Variants in DLEU7 observed in about 807,000 individuals in gnomAD.
DLEU7 encodes leukemia-associated protein 7.
DLEU7 carries 17 observed loss-of-function variants against 16.0 expected under a neutral mutation model. That is an observed-to-expected ratio of 1.06 (90% CI 0.73 to 1.59). The LOEUF (loss-of-function observed/expected upper bound fraction) is 1.59. Ranked by LOEUF, DLEU7 falls within the 40% of genes most tolerant of loss-of-function variation. The pLI, the probability that DLEU7 is intolerant of heterozygous loss-of-function variation, is 0.00. For missense variants in DLEU7, 308 were observed against 314.9 expected, an observed-to-expected ratio of 0.98 and a Z score of 0.17; for synonymous variants, 113 against 139.8, an observed-to-expected ratio of 0.81 and a Z score of 1.35.
intron 1 of DLEU7, among the ~76,000 whole-genome samples, chr13:50,727,601 A>C (rs1053570056): frequency 6.6e-6 from 1 of 152,094 alleles, no homozygotes; most frequent in African/African-American, 2.4e-5. Flanking sequence ...GAGAAGCTAC[A>C]TCCCCCTAAG....
intron 1 of DLEU7, among the ~76,000 whole-genome samples, chr13:50,837,848 GA>G (rs1221594750): frequency 6.6e-6 from 1 of 152,168 alleles, no homozygotes; most frequent in Non-Finnish European, 1.5e-5. Flanking sequence ...AACAAATATA[GA>G]TACTTCTGGA....
chr13:50,808,211 A>G (rs1432977223), intron 1 of DLEU7, among the ~76,000 whole-genome samples: 1 of 152,204 alleles, frequency 6.6e-6, no homozygotes, highest in East Asian at 1.9e-4. Context: ...AGCAGCTTCC[A>G]TTCTTCTAAC....
intron 1 of DLEU7, among the ~76,000 whole-genome samples, chr13:50,752,052 C>CTTTTTTTTTTTTTTT (rs200928092): frequency 7.4e-5 from 10 of 135,752 alleles, no homozygotes; most frequent in East Asian, 2.3e-4. Context: ...CTCTTTCAGT[C>CTTTTTTTTTTTTTTT]TTTTTTTTTT....
chr13:50,733,645 C>G (rs1376085993), intron 1 of DLEU7, among the ~76,000 whole-genome samples: 1 of 152,116 alleles, frequency 6.6e-6, no homozygotes, highest in East Asian at 1.9e-4. Flanking sequence ...TCTCATATCT[C>G]TCAATCTTTA....
At chr13:50,744,947 G>A (rs1853561) in intron 1 of DLEU7, among the ~76,000 whole-genome samples, 37,488 of 152,048 alleles carry the variant, frequency 0.25, 5,402 homozygotes, top group Non-Finnish European at 0.32. Flanking sequence ...GAGAAGTTGG[G>A]ACCCTTGTCC....
intron 1 of DLEU7, among the ~76,000 whole-genome samples, chr13:50,827,147 A>C (rs1877112292): frequency 6.6e-6 from 1 of 152,214 alleles, no homozygotes; most frequent in Admixed American, 6.5e-5. Context: ...GGAGTTTAGG[A>C]CATCTAAATG....
At chr13:50,763,689 T>C (rs1206013625) in intron 1 of DLEU7, among the ~76,000 whole-genome samples, 10 of 152,200 alleles carry the variant, frequency 6.6e-5, no homozygotes. Flanking sequence ...CCTTTTGACA[T>C]GTCTTTTACC....
At chr13:50,771,901 G>A (rs1176812712) in intron 1 of DLEU7, among the ~76,000 whole-genome samples, 1 of 152,160 alleles carries the variant, frequency 6.6e-6, no homozygotes, top group African/African-American at 2.4e-5. Context: ...GGGAGTCTAA[G>A]TCTCTTTGTA....
intron 1 of DLEU7, among the ~76,000 whole-genome samples, chr13:50,734,047 A>G (rs1172959271): frequency 6.6e-6 from 1 of 152,186 alleles, no homozygotes; most frequent in Non-Finnish European, 1.5e-5. Context: ...GAGGACATCA[A>G]ACTTGATGTA....
chr13:50,713,055 G>T, exon 2 of DLEU7: 1 of 710,274 alleles, frequency 1.4e-6, no homozygotes, highest in Non-Finnish European at 2.4e-6. Flanking sequence ...GATCCACAGA[G>T]ACCATGCAAT....
intron 1 of DLEU7, among the ~76,000 whole-genome samples, chr13:50,798,484 C>A (rs763945630): frequency 6.6e-6 from 1 of 152,120 alleles, no homozygotes; most frequent in South Asian, 2.1e-4. Context: ...GAGTCCAATG[C>A]CTTCAGTCCT....
At chr13:50,741,903 A>C (rs1218178754) in intron 1 of DLEU7, among the ~76,000 whole-genome samples, 1 of 152,186 alleles carries the variant, frequency 6.6e-6, no homozygotes, top group African/African-American at 2.4e-5. Flanking sequence ...AGTACGTGCA[A>C]ATTGTCAAAC....
chr13:50,744,956 C>T (rs925878152), intron 1 of DLEU7, among the ~76,000 whole-genome samples: 3 of 152,074 alleles, frequency 2.0e-5, no homozygotes, highest in Non-Finnish European at 4.4e-5. Flanking sequence ...GGACCCTTGT[C>T]CACTGATGAT....
At chr13:50,792,618 G>A (rs956388229) in intron 1 of DLEU7, among the ~76,000 whole-genome samples, 1 of 143,404 alleles carries the variant, frequency 7.0e-6, no homozygotes, top group Non-Finnish European at 1.6e-5. Context: ...TCCGGGAACT[G>A]AACTTAATCA....
At chr13:50,736,199 A>AAGAG (rs1316486201) in intron 1 of DLEU7, among the ~76,000 whole-genome samples, 2 of 152,146 alleles carry the variant, frequency 1.3e-5, no homozygotes, top group Non-Finnish European at 2.9e-5. Flanking sequence ...GAAAGAAAGA[A>AAGAG]TGTCCTTTTC....
intron 1 of DLEU7, among the ~76,000 whole-genome samples, chr13:50,789,927 TTCTTTC>T (rs1445144707): frequency 6.9e-6 from 1 of 144,562 alleles, no homozygotes; most frequent in African/African-American, 2.6e-5. Flanking sequence ...TTCTCTTTCT[TTCTTTC>T]TTTCTTTCTT....
At chr13:50,765,842 G>T (rs2137750146) in intron 1 of DLEU7, among the ~76,000 whole-genome samples, 1 of 152,322 alleles carries the variant, frequency 6.6e-6, no homozygotes. Flanking sequence ...AGGTTGAGAA[G>T]ACAGCAAGTG....
chr13:50,718,163 T>TA (rs963521622), intron 1 of DLEU7, among the ~76,000 whole-genome samples: 37 of 152,058 alleles, frequency 2.4e-4, no homozygotes, highest in African/African-American at 5.8e-4. Flanking sequence ...TGCTCCAGGT[T>TA]AAAAAAAATG....
chr13:50,731,526 T>G (rs1237298216), intron 1 of DLEU7, among the ~76,000 whole-genome samples: 1 of 152,210 alleles, frequency 6.6e-6, no homozygotes, highest in Non-Finnish European at 1.5e-5. Context: ...TTGGACAGAT[T>G]GGAGCTGGCA....
Sources: allele counts gnomAD v4.1 joint callset (sites outside exome capture counted in the v4.1 genomes callset), GRCh38; gene constraint gnomAD v4.1.1; transcripts MANE v1.5; gene names NCBI Gene and HGNC (gene_info 2026-07-23, HGNC 2026-07-21).